The following PAH variants were observed in gnomAD, a reference collection of about 807,000 sequenced individuals.
The protein encoded by PAH is phenylalanine hydroxylase.
A neutral mutation model predicts 62.0 loss-of-function variants in PAH; 64 were observed. The ratio of observed to expected loss-of-function variants is 1.03; its 90% CI spans 0.84 to 1.27. PAH has a LOEUF of 1.27. Among genes scored for constraint, PAH ranks in the 50% most tolerant of loss-of-function variants. PAH has a pLI of 0.00. For synonymous variants in PAH, 195 were observed against 196.2 expected (o/e 0.99, Z 0.05); for missense variants, 579 against 542.8 (o/e 1.07, Z -0.66).
rs376170341 is a variant in PAH at position 102,849,711 on chromosome 12, T to G, written c.912+1976A>C. On this transcript the variant is annotated intron_variant, in intron 8 of 12. Transcript: ENST00000553106. Reference sequence around the variant, plus strand: ...AATTCAACTAGAAACCACTGATAAATCCAAGACCAAAATGGCGCCTTGTTC... The same window carrying G: ...AATTCAACTAGAAACCACTGATAAAGCCAAGACCAAAATGGCGCCTTGTTC... 8.0e-4 allele frequency among the ~76,000 whole-genome samples: 122 copies of G among 152,272 alleles called. No homozygotes were observed. In the South Asian group the frequency reaches 0.023, roughly 29 times the overall value.
At chr12:102,846,318 C>T (rs1851841167) in intron 9 of PAH, among the ~76,000 whole-genome samples, 1 of 152,206 alleles carries the variant, frequency 6.6e-6, no homozygotes, top group Non-Finnish European at 1.5e-5. Context: ...TATTTTTCAA[C>T]TTCCAGGACA....
At chr12:102,919,274 C>T (rs1304369317), upstream of PAH, among the ~76,000 whole-genome samples, 1 of 152,166 alleles carries the variant, frequency 6.6e-6, no homozygotes, top group Admixed American at 6.5e-5. Context: ...CTCCCCATAA[C>T]AGCTGAAAAT....
intron 3 of PAH, among the ~76,000 whole-genome samples, 173 bp from the exon 4 acceptor site, chr12:102,877,723 G>A (rs750414655): frequency 2.0e-5 from 3 of 152,120 alleles, no homozygotes; most frequent in African/African-American, 2.4e-5. Flanking sequence ...CTTAGAAACC[G>A]GTTTTAAAAC....
At chr12:102,937,746 G>T (rs1405137258) in intron 1 of PAH, among the ~76,000 whole-genome samples, 2 of 151,926 alleles carry the variant, frequency 1.3e-5, no homozygotes, top group Non-Finnish European at 2.9e-5. Flanking sequence ...TTTTCTCTGT[G>T]CTTAGTATTA....
intron 11 of PAH, among the ~76,000 whole-genome samples, chr12:102,841,280 C>G (rs7295112): frequency 0.026 from 3,958 of 152,272 alleles, 182 homozygotes; most frequent in African/African-American, 0.091. Context: ...TGAGGGACAT[C>G]ATGCAATACC....
At chr12:102,945,529 T>C (rs2136767689) in intron 1 of PAH, among the ~76,000 whole-genome samples, 1 of 152,278 alleles carries the variant, frequency 6.6e-6, no homozygotes, top group South Asian at 2.1e-4. Context: ...GTTCTTCCCA[T>C]TCTTCCCTCC....
intron 6 of PAH, among the ~76,000 whole-genome samples, chr12:102,854,265 C>A (rs777239513): frequency 5.3e-5 from 8 of 152,020 alleles, no homozygotes; most frequent in African/African-American, 1.7e-4. Flanking sequence ...TGGCTCATTG[C>A]CCCCACAGTG....
intron 1 of PAH, among the ~76,000 whole-genome samples, chr12:102,934,731 G>T (rs1879038072): frequency 6.6e-6 from 1 of 151,966 alleles, no homozygotes; most frequent in South Asian, 2.1e-4. Flanking sequence ...TTTGCTGCTG[G>T]CATATAGAAA....
intron 1 of PAH, among the ~76,000 whole-genome samples, chr12:102,922,955 G>A (rs1232422801): frequency 6.6e-6 from 1 of 152,148 alleles, no homozygotes; most frequent in Non-Finnish European, 1.5e-5. Flanking sequence ...GTTATGTATG[G>A]TCTATCAATC....
At chr12:102,946,929 T>C (rs1879519372) in intron 1 of PAH, 1 of 152,200 alleles carries the variant, frequency 6.6e-6, no homozygotes, top group Non-Finnish European at 1.5e-5. Flanking sequence ...GGCTGTAATA[T>C]AAAGTTCCAT....
At chr12:102,944,123 G>A (rs986018097) in intron 1 of PAH, among the ~76,000 whole-genome samples, 5 of 152,140 alleles carry the variant, frequency 3.3e-5, no homozygotes, top group Non-Finnish European at 4.4e-5. Flanking sequence ...CCACTGAAAC[G>A]TCTACTGTCA....
intron 3 of PAH, among the ~76,000 whole-genome samples, chr12:102,890,524 G>A (rs1877233426): frequency 6.6e-6 from 1 of 152,182 alleles, no homozygotes; most frequent in Non-Finnish European, 1.5e-5. Context: ...CTCATTACAG[G>A]TATGGTAAGG....
chr12:102,916,036 A>G (rs1878366149), intron 1 of PAH, among the ~76,000 whole-genome samples: 1 of 152,024 alleles, frequency 6.6e-6, no homozygotes, highest in Admixed American at 6.5e-5. Flanking sequence ...CACCAAAACT[A>G]TGTGCAGGAT....
intron 10 of PAH, 52 bp from the exon 11 acceptor site, chr12:102,843,831 T>A (rs781593136): frequency 5.0e-6 from 8 of 1,589,298 alleles, no homozygotes; most frequent in Admixed American, 5.0e-5. Context: ...GGATCAGTAT[T>A]CCCTGCTGCA....
chr12:102,877,646 A>T (rs774739541), intron 3 of PAH, 96 bp from the exon 4 acceptor site: 10 of 886,260 alleles, frequency 1.1e-5, no homozygotes, highest in African/African-American at 1.6e-5. Context: ...GCCAATGGTG[A>T]TGGCAAGTGG....
intron 2 of PAH, 143 bp downstream of exon 2, chr12:102,912,648 C>T (rs1390775254): frequency 1.4e-6 from 1 of 690,756 alleles, no homozygotes; most frequent in East Asian, 2.8e-5. Context: ...ACTAAGGTCA[C>T]ACAGTTGGTT....
At chr12:102,955,835 C>A (rs1029795062), upstream of PAH, among the ~76,000 whole-genome samples, 1 of 152,164 alleles carries the variant, frequency 6.6e-6, no homozygotes, top group Non-Finnish European at 1.5e-5. Flanking sequence ...GGCCATCAAG[C>A]CACAGGTTAC....
At position 102,957,218 on chromosome 12, in the gene PAH, C is replaced by T. The variant is rs1255402357; in HGVS notation, c.-96+977G>A. On this transcript the variant is annotated intron_variant, in intron 1 of 4. Coordinates refer to the PAH transcript ENST00000551337. This position sits in a 1 kb window ranked among gnomAD's most constrained non-coding sequence, Gnocchi z 4.1. ...ACCGTTCCTGTGCCATTTTTTCTGC[C>T]CAAACCCTTCCCTGCGCTTTGCTTC... Among the ~76,000 whole-genome samples, 1 of 152,128 alleles carries T rather than the reference C, an allele frequency of 6.6e-6. No individual in the cohort carries two copies. Among genetic ancestry groups the T allele is most frequent in the African/African-American group, 2.4e-5 (1 of 41,420 alleles).
At chr12:102,940,796 G>A (rs965307364) in intron 1 of PAH, among the ~76,000 whole-genome samples, 18 of 152,092 alleles carry the variant, frequency 1.2e-4, no homozygotes, top group African/African-American at 4.1e-4. Context: ...TAGAGAGGTC[G>A]ATGTTCATAT....
Sources: allele counts gnomAD v4.1 joint callset (sites outside exome capture counted in the v4.1 genomes callset), GRCh38; gene constraint gnomAD v4.1.1; non-coding constraint Gnocchi (gnomAD v3.1); transcripts MANE v1.5; gene names NCBI Gene and HGNC (gene_info 2026-07-23, HGNC 2026-07-21).